CSMD1: variants seen among roughly 807,000 people sequenced by gnomAD.
The protein encoded by CSMD1 is CUB and Sushi multiple domains 1.
CSMD1 carries 213 observed loss-of-function variants against 417.5 expected under a neutral mutation model. The observed-to-expected ratio is 0.51, with a 90% CI of 0.46 to 0.57. The LOEUF (loss-of-function observed/expected upper bound fraction) is 0.57. Among genes scored for constraint, CSMD1 ranks in the 20% least tolerant of loss-of-function variants. The probability of loss-of-function intolerance (pLI) is 0.00; values close to 1 mark genes in which losing one functional copy is unlikely to be tolerated. For missense variants in CSMD1, 6,923 were observed against 4,529.7 expected (o/e 1.53, Z -15.17); for synonymous variants, 2,862 against 1,736.8 (o/e 1.65, Z -16.11).
At chr8:4,296,362 C>T (rs1213001198) in intron 3 of CSMD1, among the ~76,000 whole-genome samples, 19 of 152,122 alleles carry the variant, frequency 1.2e-4, no homozygotes, top group Non-Finnish European at 2.4e-4. Context: ...ATGTATATTT[C>T]AGGACCACAT....
At chr8:3,269,864 G>A (rs913845044) in intron 26 of CSMD1, among the ~76,000 whole-genome samples, 1 of 152,082 alleles carries the variant, frequency 6.6e-6, no homozygotes, top group African/African-American at 2.4e-5. Context: ...CTTTAATGGG[G>A]TTTGGATATC....
chr8:3,285,316 C>T (rs1803062641), intron 25 of CSMD1, among the ~76,000 whole-genome samples: 1 of 151,888 alleles, frequency 6.6e-6, no homozygotes. Flanking sequence ...AAGATAAATC[C>T]TTAAATATAG....
intron 3 of CSMD1, among the ~76,000 whole-genome samples, chr8:4,087,837 A>C (rs771499567): frequency 4.6e-5 from 7 of 152,108 alleles, no homozygotes; most frequent in Non-Finnish European, 1.0e-4. Context: ...CACCTAGCAT[A>C]ATAATGCCTA....
At chr8:3,981,157 C>T (rs775317431) in intron 5 of CSMD1, among the ~76,000 whole-genome samples, 2 of 152,182 alleles carry the variant, frequency 1.3e-5, no homozygotes, top group African/African-American at 4.8e-5. Flanking sequence ...AGTTACGCTG[C>T]ATGTACAAGA....
chr8:3,989,551 A>G (rs922431017), intron 5 of CSMD1, among the ~76,000 whole-genome samples: 2 of 152,228 alleles, frequency 1.3e-5, no homozygotes, highest in African/African-American at 4.8e-5. Flanking sequence ...TTTATGATGC[A>G]GTTCCTTTTT....
intron 15 of CSMD1, among the ~76,000 whole-genome samples, chr8:3,403,232 G>C (rs1812144553): frequency 1.3e-5 from 2 of 152,152 alleles, no homozygotes; most frequent in Admixed American, 1.3e-4. Context: ...TTCTGTAAGG[G>C]ATGTGAGCTT....
At chr8:3,377,914 T>G (rs1300401827) in intron 18 of CSMD1, among the ~76,000 whole-genome samples, 6 of 152,224 alleles carry the variant, frequency 3.9e-5, no homozygotes, top group African/African-American at 1.2e-4. Context: ...TCTCTCTCTC[T>G]TTCTATCTAA....
chr8:4,887,195 A>G (rs1161184535), intron 1 of CSMD1, among the ~76,000 whole-genome samples: 2 of 152,076 alleles, frequency 1.3e-5, no homozygotes, highest in Non-Finnish European at 2.9e-5. Context: ...TTTACCGCAA[A>G]GTATTTTATA....
At chr8:4,889,211 C>G (rs752321698) in intron 1 of CSMD1, among the ~76,000 whole-genome samples, 1 of 152,080 alleles carries the variant, frequency 6.6e-6, no homozygotes, top group Non-Finnish European at 1.5e-5. Context: ...AGTGTCAAAG[C>G]TGGTATCAGT....
In CSMD1 at chr8:4,653,161, T is replaced by C. The variant is rs114618900; in HGVS notation, c.86-15603A>G. On this transcript the variant is annotated intron_variant, in intron 1 of 69. Coordinates refer to ENST00000635120, the MANE Select transcript of CSMD1 (RefSeq NM_033225.6). The stretch of plus-strand genomic sequence containing the variant: ...TAGTAGAAATTTCCAAAGTAGACTC[T>C]TAGGTGTTGAGTGATCTGACTGGTC... Among the ~76,000 whole-genome samples the C allele has an allele frequency of 1.6e-3, 240 of 152,158 alleles. 3 individuals carry two copies. Among genetic ancestry groups the C allele is most frequent in the African/African-American group, 5.4e-3 (225 of 41,466 alleles).
intron 8 of CSMD1, among the ~76,000 whole-genome samples, chr8:3,605,872 C>T (rs1779592688): frequency 6.6e-6 from 1 of 152,162 alleles, no homozygotes; most frequent in South Asian, 2.1e-4. Context: ...CAGTGCTTAA[C>T]TTAATTGGTT....
chr8:3,701,218 T>A (rs1800846493), intron 7 of CSMD1, among the ~76,000 whole-genome samples: 1 of 152,118 alleles, frequency 6.6e-6, no homozygotes, highest in African/African-American at 2.4e-5. Flanking sequence ...AAATGCAGGT[T>A]AAGCCACGTA....
intron 1 of CSMD1, among the ~76,000 whole-genome samples, chr8:4,734,536 C>T (rs910769318): frequency 2.7e-4 from 41 of 152,106 alleles, no homozygotes; most frequent in African/African-American, 7.5e-4. Context: ...GATTTAGAAA[C>T]GTATTTGGTA....
At chr8:3,021,897 A>C (rs1809442934) in intron 51 of CSMD1, among the ~76,000 whole-genome samples, 1 of 146,124 alleles carries the variant, frequency 6.8e-6, no homozygotes, top group African/African-American at 2.6e-5. Flanking sequence ...ATGCACCTGC[A>C]ATCCCACAGC....
chr8:4,541,990 A>C (rs1015777019), intron 2 of CSMD1, among the ~76,000 whole-genome samples: 2 of 152,106 alleles, frequency 1.3e-5, no homozygotes, highest in African/African-American at 4.8e-5. Flanking sequence ...TGGAGGAAGA[A>C]ATGCTGTGAG....
intron 3 of CSMD1, among the ~76,000 whole-genome samples, chr8:4,057,503 A>G (rs1245761811): frequency 3.3e-5 from 5 of 152,048 alleles, no homozygotes; most frequent in Admixed American, 2.6e-4. Flanking sequence ...TTCTGACGGT[A>G]GTTTGTTTTG....
intron 2 of CSMD1, among the ~76,000 whole-genome samples, chr8:4,606,293 A>G (rs1190050800): frequency 6.6e-6 from 1 of 152,140 alleles, no homozygotes; most frequent in Admixed American, 6.6e-5. Context: ...ACTGTGACTT[A>G]GAGTCTGTTT....
In CSMD1 at chr8:3,858,102, T is replaced by C. The variant is rs562006685; in HGVS notation, c.819-104060A>G. On this transcript the variant is annotated intron_variant, in intron 5 of 69. Coordinates refer to ENST00000635120, the MANE Select transcript of CSMD1 (RefSeq NM_033225.6). ...TTGTGACTGTCCAATTGAATTTTAA[T>C]AACATAGTCAAATCACTTCGATCTT... Among the ~76,000 whole-genome samples the C allele has an allele frequency of 6.6e-5, 10 of 152,366 alleles. No individual in the cohort carries two copies. In the East Asian group the frequency reaches 1.7e-3, roughly 26 times the overall value.
chr8:3,992,197 ATATT>A (rs1044725630), intron 5 of CSMD1, among the ~76,000 whole-genome samples: 20 of 150,608 alleles, frequency 1.3e-4, no homozygotes, highest in African/African-American at 4.9e-4. Context: ...ATTTACATTC[ATATT>A]TATTTCCCAT....
Sources: allele counts gnomAD v4.1 joint callset (sites outside exome capture counted in the v4.1 genomes callset), GRCh38; gene constraint gnomAD v4.1.1; transcripts MANE v1.5; gene names NCBI Gene and HGNC (gene_info 2026-07-23, HGNC 2026-07-21).